TBC1D1: variants seen among roughly 807,000 people sequenced by gnomAD.
TBC1D1 encodes TBC1 domain family member 1.
A neutral mutation model predicts 125.6 loss-of-function variants in TBC1D1; 89 were observed. The observed-to-expected ratio is 0.71, with a 90% CI of 0.60 to 0.85. The LOEUF (loss-of-function observed/expected upper bound fraction) is 0.85, where lower values mean the gene tolerates loss of function less well. Ranked by LOEUF, TBC1D1 falls within the 40% of genes least tolerant of loss-of-function variation. The pLI, the probability that TBC1D1 is intolerant of heterozygous loss-of-function variation, is 0.00. For missense variants in TBC1D1, 1,377 were observed against 1,469.2 expected (o/e 0.94, Z 1.03); for synonymous variants, 565 against 564.1 (o/e 1.00, Z -0.02).
At chr4:38,044,948 T>C (rs10018389) in intron 9 of TBC1D1, among the ~76,000 whole-genome samples, 86,902 of 152,086 alleles carry the variant, frequency 0.57, 25,898 homozygotes, top group African/African-American at 0.75. Context: ...AAAGTTTTGT[T>C]GAAACACCGC....
chr4:38,005,795 T>C (rs1035821206), intron 2 of TBC1D1, among the ~76,000 whole-genome samples: 5 of 152,322 alleles, frequency 3.3e-5, no homozygotes, highest in African/African-American at 1.2e-4. Context: ...GCCATGTGAC[T>C]TCTCAGCTGC....
intron 6 of TBC1D1, among the ~76,000 whole-genome samples, chr4:38,025,032 G>C (rs1445646457): frequency 6.6e-6 from 1 of 152,192 alleles, no homozygotes; most frequent in Non-Finnish European, 1.5e-5. Context: ...ATACAACTCA[G>C]TGGTATTTAT....
chr4:38,059,299 T>C (rs1486370581), intron 12 of TBC1D1, among the ~76,000 whole-genome samples: 2 of 152,238 alleles, frequency 1.3e-5, no homozygotes, highest in Non-Finnish European at 2.9e-5. Flanking sequence ...GGGCTGGTTT[T>C]AATCCTGAAC....
At position 37,981,023 on chromosome 4, in the gene TBC1D1, A is replaced by G. The variant is rs560531551; in HGVS notation, c.418-33486A>G. Among the ~76,000 whole-genome samples, 355 of 152,078 alleles carry G rather than the reference A, an allele frequency of 2.3e-3. 2 individuals carry two copies. Among genetic ancestry groups the G allele is most frequent in the African/African-American group, 8.0e-3 (333 of 41,470 alleles). On this transcript the variant is annotated intron_variant, in intron 2 of 19. Coordinates refer to ENST00000261439, the MANE Select transcript of TBC1D1 (RefSeq NM_015173.4). ...AGTGGCACGATCTCGGCTCACTGCA[A>G]CCTCTGCCTCCTGGGTTCAAGTGCT...
Position 38,124,918 on chromosome 4 carries a change from G to A in TBC1D1, c.2963-44G>A, listed in dbSNP as rs571590715. 26 of 1,579,238 alleles carry A rather than the reference G, an allele frequency of 1.6e-5. No individual in the cohort carries two copies. In the African/African-American group the frequency reaches 2.4e-4, roughly 15 times the overall value. ...AAGGCAATGGAATGGTATTGCGTGA[G>A]AAACTGGTCTGGTTTAACTTTCTGC... On this transcript the variant is annotated intron_variant, in intron 17 of 19. Transcript: ENST00000261439.
At position 37,918,377 on chromosome 4, in the gene TBC1D1, C is replaced by A. The variant is rs549135606; in HGVS notation, c.417+15865C>A. Reference sequence around the variant, plus strand: ...ATGCTAAATACGATTTTAGATTTTTCTTTTTTGGCCTGTATGTATGTTTTA... The same window carrying A: ...ATGCTAAATACGATTTTAGATTTTTATTTTTTGGCCTGTATGTATGTTTTA... On this transcript the variant is annotated intron_variant, in intron 2 of 19. Transcript: ENST00000261439. Among the ~76,000 whole-genome samples, 81 of 151,524 alleles carry A rather than the reference C, an allele frequency of 5.3e-4. 1 individual carries two copies. Among genetic ancestry groups the A allele is most frequent in the Middle Eastern group, 6.9e-3 (2 of 288 alleles).
intron 13 of TBC1D1, among the ~76,000 whole-genome samples, chr4:38,091,739 T>G (rs1758460767): frequency 6.6e-6 from 1 of 152,224 alleles, no homozygotes; most frequent in Non-Finnish European, 1.5e-5. Flanking sequence ...GCAGAATACA[T>G]TCTGCTGTGC....
chr4:37,960,458 T>C, intron 2 of TBC1D1: 1 of 1,613,820 alleles, frequency 6.2e-7, no homozygotes, highest in Non-Finnish European at 8.5e-7. Flanking sequence ...TCTACGTTGA[T>C]AAGGAAATTG....
At chr4:38,045,462 C>T (rs1209033696) in intron 9 of TBC1D1, among the ~76,000 whole-genome samples, 2 of 152,092 alleles carry the variant, frequency 1.3e-5, no homozygotes, top group Non-Finnish European at 2.9e-5. Context: ...GAGTGCTGTC[C>T]GAGTGACATG....
chr4:37,961,811 C>CCAAA (rs1239159668), intron 2 of TBC1D1, among the ~76,000 whole-genome samples: 2 of 152,154 alleles, frequency 1.3e-5, no homozygotes, highest in Admixed American at 1.3e-4. Context: ...CCATGACAGG[C>CCAAA]CAAAGTTTCC....
chr4:38,135,948 G>A (rs1459137788), intron 19 of TBC1D1, among the ~76,000 whole-genome samples: 12 of 145,774 alleles, frequency 8.2e-5, no homozygotes, highest in African/African-American at 3.2e-4. Flanking sequence ...GTGTGTGTGT[G>A]TGTGTATATA....
intron 2 of TBC1D1, among the ~76,000 whole-genome samples, chr4:38,013,738 GTCTTTTATTACAT>G (rs1424350678): frequency 6.6e-6 from 1 of 152,216 alleles, no homozygotes; most frequent in East Asian, 1.9e-4. Context: ...GGCAGATGAG[GTCTTTTATTACAT>G]TCTTTTAATC....
At chr4:37,960,880 T>G (rs758875087) in intron 2 of TBC1D1, 8 of 1,614,070 alleles carry the variant, frequency 5.0e-6, no homozygotes, top group Non-Finnish European at 6.8e-6. Flanking sequence ...CTCATGATCC[T>G]TGATGAGGAG....
Position 37,939,235 on chromosome 4 carries a change from A to G in TBC1D1, c.417+36723A>G, listed in dbSNP as rs566290356. ...TTGCCATTCTAACCAGTGTGAGATGATATCTCATTGTGGTTTTGATTTGCG... is the reference window on the plus strand; with the variant it reads ...TTGCCATTCTAACCAGTGTGAGATGGTATCTCATTGTGGTTTTGATTTGCG... On this transcript the variant is annotated intron_variant, in intron 2 of 19. Coordinates refer to ENST00000261439, the MANE Select transcript of TBC1D1 (RefSeq NM_015173.4). Among the ~76,000 whole-genome samples the G allele has an allele frequency of 8.5e-5, 13 of 152,258 alleles. 1 individual carries two copies. The highest frequency in any genetic ancestry group is 2.4e-4 in the African/African-American group (10 of 41,536).
chr4:38,012,673 C>T (rs1279761855), intron 2 of TBC1D1, among the ~76,000 whole-genome samples: 1 of 152,060 alleles, frequency 6.6e-6, no homozygotes, highest in African/African-American at 2.4e-5. Context: ...GTCCTGTCTT[C>T]TTTTTATAAT....
chr4:37,940,151 A>G (rs1014516001), intron 2 of TBC1D1, among the ~76,000 whole-genome samples: 2 of 152,212 alleles, frequency 1.3e-5, no homozygotes, highest in Non-Finnish European at 2.9e-5. Flanking sequence ...CTTCCTATCC[A>G]TGAGCATGGA....
chr4:38,109,322 A>C (rs1035597135), intron 15 of TBC1D1, among the ~76,000 whole-genome samples: 1 of 152,196 alleles, frequency 6.6e-6, no homozygotes, highest in African/African-American at 2.4e-5. Context: ...GTGGGATCAT[A>C]TTTATTTGGT....
chr4:37,980,897 C>G (rs182711969), intron 2 of TBC1D1, among the ~76,000 whole-genome samples: 13 of 152,080 alleles, frequency 8.5e-5, no homozygotes, highest in Non-Finnish European at 1.8e-4. Flanking sequence ...AAAAAGTGTG[C>G]ACCCTGGAGA....
intron 2 of TBC1D1, among the ~76,000 whole-genome samples, chr4:37,988,102 G>A (rs1324182390): frequency 1.3e-5 from 2 of 152,230 alleles, no homozygotes; most frequent in African/African-American, 2.4e-5. Context: ...CATCACGTGA[G>A]CTGATGTAAG....
Sources: allele counts gnomAD v4.1 joint callset (sites outside exome capture counted in the v4.1 genomes callset), GRCh38; gene constraint gnomAD v4.1.1; transcripts MANE v1.5; gene names NCBI Gene and HGNC (gene_info 2026-07-23, HGNC 2026-07-21).